KCNH7: variants seen among roughly 807,000 people sequenced by gnomAD.
KCNH7 encodes voltage-gated inwardly rectifying potassium channel KCNH7.
In KCNH7, 49 loss-of-function variants were observed where a neutral mutation model predicts 120.8. The ratio of observed to expected loss-of-function variants is 0.41; its 90% CI spans 0.32 to 0.51. The LOEUF is 0.51. Ranked by LOEUF, KCNH7 falls within the 20% of genes least tolerant of loss-of-function variation. The probability of loss-of-function intolerance (pLI) is 0.38; values close to 1 mark genes in which losing one functional copy is unlikely to be tolerated. For missense variants in KCNH7, 1,097 were observed against 1,446.6 expected (o/e 0.76, Z 3.92); for synonymous variants, 547 against 516.1 (o/e 1.06, Z -0.81).
At chr2:162,565,284 T>C (rs1693214444) in intron 2 of KCNH7, among the ~76,000 whole-genome samples, 1 of 152,090 alleles carries the variant, frequency 6.6e-6, no homozygotes, top group Admixed American at 6.6e-5. Flanking sequence ...ATCACTTGTT[T>C]AGCAACAATG....
At chr2:162,740,282 A>G (rs1003905217) in intron 2 of KCNH7, among the ~76,000 whole-genome samples, 3 of 152,222 alleles carry the variant, frequency 2.0e-5, no homozygotes, top group African/African-American at 7.2e-5. Flanking sequence ...ATGGGTCTGG[A>G]GCAATGTCCT....
In KCNH7 at chr2:162,620,081, A is replaced by T. The variant is rs539728351; in HGVS notation, c.308-83001T>A. The stretch of plus-strand genomic sequence containing the variant: ...TGTTTGAGAGAGAGAATATGTGTAT[A>T]TATATTCTCTCTATAAAAAATCTAT... On this transcript the variant is annotated intron_variant, in intron 2 of 15. Coordinates refer to ENST00000332142, the MANE Select transcript of KCNH7 (RefSeq NM_033272.4). 2.4e-3 allele frequency among the ~76,000 whole-genome samples: 359 copies of T among 151,504 alleles called. 1 individual carries two copies. The highest frequency in any genetic ancestry group is 3.6e-3 in the Non-Finnish European group (242 of 67,782).
At chr2:162,556,244 T>C (rs1317164434) in intron 2 of KCNH7, among the ~76,000 whole-genome samples, 1 of 152,182 alleles carries the variant, frequency 6.6e-6, no homozygotes, top group Non-Finnish European at 1.5e-5. Flanking sequence ...ATACCTACTA[T>C]ATTCCAGGCT....
chr2:162,481,773 G>T (rs1316499378), intron 6 of KCNH7, among the ~76,000 whole-genome samples: 6 of 152,182 alleles, frequency 3.9e-5, no homozygotes, highest in Non-Finnish European at 8.8e-5. Context: ...TGAATGCTGA[G>T]AATGTACTGC....
At chr2:162,448,169 A>C (rs1348826347) in intron 6 of KCNH7, among the ~76,000 whole-genome samples, 2 of 152,132 alleles carry the variant, frequency 1.3e-5, no homozygotes, top group Non-Finnish European at 2.9e-5. Flanking sequence ...GACTTTCAAA[A>C]TCCAAACGGG....
intron 2 of KCNH7, among the ~76,000 whole-genome samples, chr2:162,632,199 C>A (rs1035993678): frequency 1.3e-5 from 2 of 151,914 alleles, no homozygotes; most frequent in African/African-American, 4.8e-5. Flanking sequence ...AATTCAACAG[C>A]TTTTCCGTAA....
intron 2 of KCNH7, among the ~76,000 whole-genome samples, chr2:162,585,280 T>C (rs932662662): frequency 1.2e-4 from 19 of 152,226 alleles, no homozygotes; most frequent in African/African-American, 4.3e-4. Flanking sequence ...ATTTTTTGTG[T>C]GCTTAGATCT....
At chr2:162,526,437 G>A (rs906830765) in intron 3 of KCNH7, among the ~76,000 whole-genome samples, 6 of 151,910 alleles carry the variant, frequency 3.9e-5, no homozygotes, top group Non-Finnish European at 8.8e-5. Context: ...AGCGCTACGG[G>A]AGACTGGGGC....
chr2:162,409,212 A>C (rs1372886931), intron 9 of KCNH7, among the ~76,000 whole-genome samples: 1 of 151,864 alleles, frequency 6.6e-6, no homozygotes, highest in Non-Finnish European at 1.5e-5. Flanking sequence ...AAGAAGAGAG[A>C]GAGAAAAAAT....
intron 2 of KCNH7, among the ~76,000 whole-genome samples, chr2:162,538,720 G>T (rs141934618): frequency 6.6e-6 from 1 of 152,038 alleles, no homozygotes; most frequent in African/African-American, 2.4e-5. Context: ...GCCACAGATC[G>T]AGGACTTCAT....
At position 162,446,449 on chromosome 2, in the gene KCNH7, TG is replaced by T. The variant is rs1688580332; in HGVS notation, c.1129-7del. The T allele has an allele frequency of 6.3e-7, 1 of 1,592,128 alleles. No homozygotes were observed. Among genetic ancestry groups the T allele is most frequent in the Non-Finnish European group, 8.6e-7 (1 of 1,168,570 alleles). The stretch of plus-strand genomic sequence containing the variant: ...TCTGCTCCTAAAGAGAGAACCTGAA[TG>T]TGCAAAAGAAAATCATACACTACAT... On this transcript the variant is annotated splice_polypyrimidine_tract_variant and splice_region_variant and intron_variant, in intron 6 of 15. Transcript: ENST00000332142.
At chr2:162,586,493 G>A (rs1237241611) in intron 2 of KCNH7, among the ~76,000 whole-genome samples, 1 of 151,934 alleles carries the variant, frequency 6.6e-6, no homozygotes, top group Non-Finnish European at 1.5e-5. Flanking sequence ...CTGCAACCCT[G>A]GGAGTGATGC....
chr2:162,529,434 C>T (rs1047648253), intron 3 of KCNH7, among the ~76,000 whole-genome samples: 3 of 151,872 alleles, frequency 2.0e-5, no homozygotes, highest in Admixed American at 1.3e-4. Context: ...TTCCCCCAAT[C>T]CCTTCAAGAA....
intron 2 of KCNH7, among the ~76,000 whole-genome samples, chr2:162,737,772 T>C (rs1687967800): frequency 6.6e-6 from 1 of 151,748 alleles, no homozygotes. Flanking sequence ...CATTTGAAAA[T>C]AGTTGTGAAA....
At chr2:162,579,575 C>T (rs1693806277) in intron 2 of KCNH7, among the ~76,000 whole-genome samples, 1 of 152,066 alleles carries the variant, frequency 6.6e-6, no homozygotes, top group East Asian at 1.9e-4. Context: ...TAGGGCCTCT[C>T]ATCCTTGGTG....
intron 2 of KCNH7, among the ~76,000 whole-genome samples, chr2:162,658,679 G>A (rs1375359485): frequency 2.0e-5 from 3 of 151,990 alleles, no homozygotes; most frequent in Non-Finnish European, 4.4e-5. Context: ...CTCATGTAGA[G>A]GTTGTATATA....
At chr2:162,569,636 G>A (rs1010232911) in intron 2 of KCNH7, among the ~76,000 whole-genome samples, 114 of 149,544 alleles carry the variant, frequency 7.6e-4, no homozygotes, top group African/African-American at 2.6e-3. Flanking sequence ...TGTCAATTTT[G>A]GATCTTTCCT....
At chr2:162,767,441 TG>T (rs1333621597) in intron 2 of KCNH7, among the ~76,000 whole-genome samples, 1 of 152,148 alleles carries the variant, frequency 6.6e-6, no homozygotes, top group Non-Finnish European at 1.5e-5. Flanking sequence ...TTCCTGAACT[TG>T]AGAGGTGGAA....
At chr2:162,452,767 G>A (rs1257142143) in intron 6 of KCNH7, among the ~76,000 whole-genome samples, 1 of 151,986 alleles carries the variant, frequency 6.6e-6, no homozygotes, top group Non-Finnish European at 1.5e-5. Context: ...TTTCATTCTG[G>A]ATTGAATATA....
Sources: gnomAD v4.1 joint callset for allele counts (sites outside exome capture counted in the v4.1 genomes callset) on GRCh38, gnomAD v4.1.1 for gene constraint, MANE v1.5 for transcripts, NCBI Gene and HGNC (gene_info 2026-07-23, HGNC 2026-07-21) for gene names.